DCLK1: variants seen among roughly 807,000 people sequenced by gnomAD.
DCLK1 encodes serine/threonine-protein kinase DCLK1.
Under a neutral mutation model 86.2 loss-of-function variants are expected in DCLK1, and 16 were observed. The ratio of observed to expected loss-of-function variants is 0.19; its 90% CI spans 0.13 to 0.28. The LOEUF (loss-of-function observed/expected upper bound fraction) is 0.28. DCLK1 is among the 10% of genes least tolerant of loss of function. The probability of loss-of-function intolerance (pLI) is 1.00; values close to 1 mark genes in which losing one functional copy is unlikely to be tolerated. For synonymous variants in DCLK1, 369 were observed against 370.5 expected, an observed-to-expected ratio of 1.00 and a Z score of 0.05; for missense variants, 590 against 940.2, an observed-to-expected ratio of 0.63 and a Z score of 4.87.
intron 4 of DCLK1, among the ~76,000 whole-genome samples, chr13:35,923,893 A>C (rs114282724): frequency 4.6e-5 from 7 of 152,178 alleles, no homozygotes; most frequent in Admixed American, 3.3e-4. Context: ...CAAGACAGTA[A>C]GAAGCAGAAC....
intron 3 of DCLK1, among the ~76,000 whole-genome samples, chr13:36,029,386 G>C (rs1882176206): frequency 6.6e-6 from 1 of 152,214 alleles, no homozygotes. Context: ...CAGCAGGAGA[G>C]ACTGGGTCTG....
At chr13:36,102,177 G>A (rs1291554030) in intron 3 of DCLK1, among the ~76,000 whole-genome samples, 1 of 143,340 alleles carries the variant, frequency 7.0e-6, no homozygotes, top group Non-Finnish European at 1.5e-5. Context: ...GAAGGAAAAT[G>A]TCTAGTCTAA....
At chr13:36,113,886 T>C (rs1382185155) in intron 2 of DCLK1, among the ~76,000 whole-genome samples, 2 of 152,218 alleles carry the variant, frequency 1.3e-5, no homozygotes, top group Non-Finnish European at 2.9e-5. Flanking sequence ...GCAGGTCTTA[T>C]ATTGAACAGT....
intron 3 of DCLK1, among the ~76,000 whole-genome samples, chr13:36,070,256 C>T (rs775909504): frequency 2.0e-5 from 3 of 152,198 alleles, no homozygotes; most frequent in Non-Finnish European, 2.9e-5. Flanking sequence ...TTAACAAGGA[C>T]GTAATACGAG....
chr13:35,799,247 GTTGT>G (rs1345802351), intron 15 of DCLK1, among the ~76,000 whole-genome samples: 2 of 125,254 alleles, frequency 1.6e-5, no homozygotes, highest in African/African-American at 7.5e-5. Flanking sequence ...TTGAGCCTCA[GTTGT>G]TTTTTTTTTG....
intron 4 of DCLK1, among the ~76,000 whole-genome samples, chr13:35,943,395 AC>A (rs1178998106): frequency 6.6e-6 from 1 of 152,160 alleles, no homozygotes; most frequent in Non-Finnish European, 1.5e-5. Context: ...GTTTTAAGTC[AC>A]CCAGTTTGTG....
chr13:35,961,812 C>G (rs1207128444), intron 3 of DCLK1, among the ~76,000 whole-genome samples: 1 of 152,170 alleles, frequency 6.6e-6, no homozygotes, highest in African/African-American at 2.4e-5. Flanking sequence ...AAGTTCTCTC[C>G]TTGTTTCTGA....
At chr13:35,870,341 A>G (rs1872177860) in intron 5 of DCLK1, among the ~76,000 whole-genome samples, 1 of 152,174 alleles carries the variant, frequency 6.6e-6, no homozygotes, top group Non-Finnish European at 1.5e-5. Flanking sequence ...CCCCTGACCT[A>G]TAATGATCCA....
chr13:36,094,204 G>C (rs1467213317), intron 3 of DCLK1, among the ~76,000 whole-genome samples: 1 of 152,136 alleles, frequency 6.6e-6, no homozygotes, highest in East Asian at 1.9e-4. Flanking sequence ...GTCATAGTCA[G>C]ACAGTTTTAA....
chr13:35,989,005 C>T (rs909814489), intron 3 of DCLK1, among the ~76,000 whole-genome samples: 1 of 152,068 alleles, frequency 6.6e-6, no homozygotes, highest in Non-Finnish European at 1.5e-5. Flanking sequence ...CTCTCACCTG[C>T]AGGCCATCTT....
chr13:35,845,677 T>A (rs1273983856), intron 6 of DCLK1, among the ~76,000 whole-genome samples: 1 of 152,242 alleles, frequency 6.6e-6, no homozygotes, highest in East Asian at 1.9e-4. Context: ...TGAAACAGAA[T>A]TTTTCATCAA....
chr13:35,852,807 TAAGC>T (rs1024186643), intron 6 of DCLK1, among the ~76,000 whole-genome samples: 2 of 152,174 alleles, frequency 1.3e-5, no homozygotes, highest in Non-Finnish European at 2.9e-5. Flanking sequence ...CCTCAATAAA[TAAGC>T]AAGGAGAGGA....
At chr13:36,027,061 A>G (rs932783280) in intron 3 of DCLK1, among the ~76,000 whole-genome samples, 1 of 152,200 alleles carries the variant, frequency 6.6e-6, no homozygotes, top group African/African-American at 2.4e-5. Context: ...CTAATATCTA[A>G]GGATTCAAAC....
At chr13:35,921,077 A>G (rs920241709) in intron 4 of DCLK1, among the ~76,000 whole-genome samples, 1 of 152,102 alleles carries the variant, frequency 6.6e-6, no homozygotes, top group Non-Finnish European at 1.5e-5. Context: ...GGGTCCCTCC[A>G]ATCCATTCTC....
intron 1 of DCLK1, among the ~76,000 whole-genome samples, chr13:36,126,658 A>C (rs1886199392): frequency 6.6e-6 from 1 of 152,226 alleles, no homozygotes; most frequent in Non-Finnish European, 1.5e-5. Flanking sequence ...TGGGACAGAA[A>C]GAGAAAGGGA....
At chr13:35,957,868 A>G (rs1356258750) in intron 3 of DCLK1, among the ~76,000 whole-genome samples, 2 of 26,204 alleles carry the variant, frequency 7.6e-5, no homozygotes, top group South Asian at 2.2e-3. Flanking sequence ...AACAACAACA[A>G]TCCCACAAAG....
chr13:35,914,641 G>C (rs1006349933), intron 4 of DCLK1, among the ~76,000 whole-genome samples: 9 of 150,836 alleles, frequency 6.0e-5, no homozygotes, highest in African/African-American at 2.2e-4. Context: ...CCTTGAGCTG[G>C]AGAGGTCAGG....
chr13:35,959,854 CGTGTGTGTGTGT>C (rs67600362), intron 3 of DCLK1, among the ~76,000 whole-genome samples: 3,600 of 149,314 alleles, frequency 0.024, 104 homozygotes, highest in East Asian at 0.11. Context: ...TACAGCAAGT[CGTGTGTGTGTGT>C]GTGTGTGTGT....
intron 3 of DCLK1, among the ~76,000 whole-genome samples, chr13:35,966,873 G>A (rs1320004680): frequency 2.0e-5 from 3 of 152,132 alleles, no homozygotes; most frequent in South Asian, 2.1e-4. Flanking sequence ...CCTCCCAGCC[G>A]CCTGCCTTGG....
Sources: allele counts gnomAD v4.1 joint callset (sites outside exome capture counted in the v4.1 genomes callset), GRCh38; gene constraint gnomAD v4.1.1; transcripts MANE v1.5; gene names NCBI Gene and HGNC (gene_info 2026-07-23, HGNC 2026-07-21).